RERE: variants seen among roughly 807,000 people sequenced by gnomAD.
RERE encodes arginine-glutamic acid dipeptide repeats protein.
A neutral mutation model predicts 146.1 loss-of-function variants in RERE; 40 were observed. The observed-to-expected ratio is 0.27, with a 90% confidence interval of 0.21 to 0.36. The LOEUF is 0.36. RERE is among the 10% of genes least tolerant of loss of function. The pLI, the probability that RERE is intolerant of heterozygous loss-of-function variation, is 1.00. For synonymous variants in RERE, 1,003 were observed against 866.0 expected (o/e 1.16, Z -2.78); for missense variants, 1,933 against 2,138.7 (o/e 0.90, Z 1.90).
At chr1:8,401,857 A>C (rs751531108) in intron 12 of RERE, among the ~76,000 whole-genome samples, 5 of 151,962 alleles carry the variant, frequency 3.3e-5, no homozygotes, top group Non-Finnish European at 7.4e-5. Flanking sequence ...ATGCTGTGTA[A>C]ATTTATTTTA....
chr1:8,813,667 T>C (rs1174594788), intron 1 of RERE, among the ~76,000 whole-genome samples: 1 of 147,586 alleles, frequency 6.8e-6, no homozygotes, highest in Non-Finnish European at 1.5e-5. Context: ...CAGGATGGAG[T>C]ACAGTGGTGC....
chr1:8,485,465 G>C (rs890853201), intron 10 of RERE, among the ~76,000 whole-genome samples: 6 of 151,850 alleles, frequency 4.0e-5, no homozygotes, highest in African/African-American at 7.3e-5. Context: ...TGCCAAACTA[G>C]ATAAAAAGGC....
intron 2 of RERE, among the ~76,000 whole-genome samples, chr1:8,653,668 C>T (rs1647756343): frequency 7.3e-6 from 1 of 137,750 alleles, no homozygotes; most frequent in South Asian, 2.3e-4. Context: ...GCACTCCAGC[C>T]TAAGCAACAG....
intron 8 of RERE, among the ~76,000 whole-genome samples, chr1:8,501,260 C>T (rs1309308020): frequency 2.4e-4 from 34 of 138,822 alleles, no homozygotes; most frequent in Non-Finnish European, 4.0e-4. Context: ...GTGAGGGGCG[C>T]CTCTGCCCGG....
chr1:8,793,602 C>T (rs1641409252), intron 1 of RERE, among the ~76,000 whole-genome samples: 1 of 152,152 alleles, frequency 6.6e-6, no homozygotes. Flanking sequence ...ATAACCAAAC[C>T]AAAAGTGAGA....
At chr1:8,611,324 C>A (rs1246534859) in intron 4 of RERE, among the ~76,000 whole-genome samples, 1 of 151,546 alleles carries the variant, frequency 6.6e-6, no homozygotes, top group Non-Finnish European at 1.5e-5. Context: ...GCCAATAAGG[C>A]AAAAAACACT....
rs1641931684 is a variant in RERE at position 8,817,214 on chromosome 1, G to A, written c.-199C>T. On this transcript the variant is annotated 5_prime_UTR_variant, in exon 1 of 23. Coordinates refer to ENST00000400908, the MANE Select transcript of RERE (RefSeq NM_001042681.2). ...TGAGGTGTTCGCGGCCCAGCTCCGGGGAAAGTGGCGGGGATGGGGCGGGAG... is the reference window on the plus strand; with the variant it reads ...TGAGGTGTTCGCGGCCCAGCTCCGGAGAAAGTGGCGGGGATGGGGCGGGAG... The A allele has an allele frequency of 6.6e-6, 1 of 152,364 alleles. No individual in the cohort carries two copies. The highest frequency in any genetic ancestry group is 6.5e-5 in the Admixed American group (1 of 15,276). 9.4% of individuals were successfully genotyped at this position (152,364 alleles called of 1,614,324 possible). A position where few individuals can be genotyped will look rare whatever the true frequency, so the allele number is the denominator to read the frequency against.
chr1:8,430,836 T>G (rs984054504), intron 11 of RERE, among the ~76,000 whole-genome samples: 3 of 152,186 alleles, frequency 2.0e-5, no homozygotes, highest in African/African-American at 7.2e-5. Context: ...AAATTAAATC[T>G]CCTGGCCCAT....
intron 16 of RERE, 151 bp downstream of exon 16, chr1:8,362,532 A>G: frequency 9.5e-7 from 1 of 1,049,254 alleles, no homozygotes. Flanking sequence ...TTCGGTCTGC[A>G]GCCCCTAGGC....
At chr1:8,711,376 G>T (rs76205633) in intron 1 of RERE, among the ~76,000 whole-genome samples, 86 of 152,224 alleles carry the variant, frequency 5.6e-4, no homozygotes, top group African/African-American at 1.7e-3. Context: ...TTTTGGAAGT[G>T]TGCAGCCGTC....
In RERE at chr1:8,358,479, G is replaced by C. The variant is rs1326474180; in HGVS notation, c.4056C>G (p.Ala1352=). Residue 1352 remains alanine, a synonymous_variant, in exon 20 of 23, where the codon GCC becomes GCG. Transcript: ENST00000400908. The stretch of plus-strand genomic sequence containing the variant: ...GCCCGGCGGTCGGGGGGATGGTGAG[G>C]GCGCTGTGCCGGGCAAAGTGCTCCA... The part of the protein sequence containing the change: ...NPMEHFARHS[A]LTIPPTAGPH... 6.3e-7 allele frequency: 1 copy of C among 1,584,870 alleles called. No individual in the cohort carries two copies. The highest frequency in any genetic ancestry group is 8.6e-7 in the Non-Finnish European group (1 of 1,163,844).
At chr1:8,599,840 G>A (rs1646600480) in intron 4 of RERE, among the ~76,000 whole-genome samples, 1 of 152,136 alleles carries the variant, frequency 6.6e-6, no homozygotes, top group African/African-American at 2.4e-5. Context: ...TTTCTGCCAT[G>A]CAATCCTTAA....
chr1:8,708,069 C>G (rs920027971), intron 1 of RERE, among the ~76,000 whole-genome samples: 1 of 152,042 alleles, frequency 6.6e-6, no homozygotes, highest in Admixed American at 6.6e-5. Context: ...TTTCAGGAAC[C>G]CACGGGGGCC....
At chr1:8,566,635 CAAAA>C (rs1016614537) in intron 4 of RERE, among the ~76,000 whole-genome samples, 1 of 150,328 alleles carries the variant, frequency 6.7e-6, no homozygotes, top group African/African-American at 2.4e-5. Flanking sequence ...AAAAAACAAA[CAAAA>C]AAAAACCTGA....
chr1:8,525,810 A>G (rs757811658), intron 7 of RERE: 4 of 1,579,102 alleles, frequency 2.5e-6, no homozygotes, highest in South Asian at 1.2e-5. Context: ...TGGTGAGTCT[A>G]GCTGGATTCC....
chr1:8,752,155 C>T (rs12028160), intron 1 of RERE, among the ~76,000 whole-genome samples: 82,388 of 151,678 alleles, frequency 0.54, 23,046 homozygotes, highest in East Asian at 0.83. Flanking sequence ...ACAGGATTTG[C>T]CTTGCGTGTC....
Position 8,355,444 on chromosome 1 carries a change from G to A in RERE, c.4642C>T (p.Leu1548=), listed in dbSNP as rs1291377939. 5 of 1,612,962 alleles carry A rather than the reference G, an allele frequency of 3.1e-6. No individual in the cohort carries two copies. The African/African-American group carries it at 4.0e-5, about 13-fold the overall frequency. The part of the protein sequence containing the change: ...HGHPHMHGGH[L]PSQEDYYSRL... ...CTGTAATAATCTTCCTGACTTGGTA[G>A]GTGGCCACCATGCATGTGGGGGTGT... Residue 1548 remains leucine, a synonymous_variant, in exon 22 of 23, where the codon CTA becomes TTA. Coordinates refer to ENST00000400908, the MANE Select transcript of RERE (RefSeq NM_001042681.2).
At chr1:8,452,669 G>A (rs373244598) in intron 11 of RERE, among the ~76,000 whole-genome samples, 34 of 152,264 alleles carry the variant, frequency 2.2e-4, no homozygotes, top group African/African-American at 7.5e-4. Context: ...TGGATACAAC[G>A]GTCTCAAACA....
chr1:8,514,817 C>T (rs1269061019), intron 7 of RERE, among the ~76,000 whole-genome samples: 2 of 152,108 alleles, frequency 1.3e-5, no homozygotes, highest in Non-Finnish European at 2.9e-5. Context: ...GGTCCACAAG[C>T]TATGCTCTGA....
Sources: allele counts gnomAD v4.1 joint callset (sites outside exome capture counted in the v4.1 genomes callset), GRCh38; gene constraint gnomAD v4.1.1; transcripts MANE v1.5; gene names NCBI Gene and HGNC (gene_info 2026-07-23, HGNC 2026-07-21).